The following SNAP25 variants were observed in gnomAD, a reference collection of about 807,000 sequenced individuals.
The protein encoded by SNAP25 is synaptosome associated protein 25.
In SNAP25, 3 loss-of-function variants were observed where a neutral mutation model predicts 28.7. That is an observed-to-expected ratio of 0.10 (90% CI 0.05 to 0.27). The LOEUF (loss-of-function observed/expected upper bound fraction) is 0.27, where lower values mean the gene tolerates loss of function less well. SNAP25 is among the 10% of genes least tolerant of loss of function. The pLI is 1.00. For synonymous variants in SNAP25, 61 were observed against 88.1 expected (o/e 0.69, Z 1.72); for missense variants, 117 against 278.7 (o/e 0.42, Z 4.13).
At chr20:10,227,992 G>A (rs2122643027) in intron 1 of SNAP25, among the ~76,000 whole-genome samples, 1 of 152,048 alleles carries the variant, frequency 6.6e-6, no homozygotes, top group East Asian at 1.9e-4. Flanking sequence ...CCAGTCTCTG[G>A]GCTTTTCCTC....
At chr20:10,232,512 C>T (rs2062845492) in intron 1 of SNAP25, among the ~76,000 whole-genome samples, 1 of 152,194 alleles carries the variant, frequency 6.6e-6, no homozygotes, top group Non-Finnish European at 1.5e-5. Flanking sequence ...CCTCTGAGAA[C>T]ATTAAGGAGA....
intron 1 of SNAP25, among the ~76,000 whole-genome samples, chr20:10,258,877 C>T (rs1383859600): frequency 6.6e-6 from 1 of 152,034 alleles, no homozygotes; most frequent in African/African-American, 2.4e-5. Context: ...TTTTTGTTAC[C>T]CCTCTCTGTG....
At chr20:10,262,889 C>T (rs1293813045) in intron 1 of SNAP25, among the ~76,000 whole-genome samples, 1 of 151,904 alleles carries the variant, frequency 6.6e-6, no homozygotes, top group African/African-American at 2.4e-5. Flanking sequence ...ACTCCTCTGC[C>T]AGTCAGTTGT....
intron 1 of SNAP25, among the ~76,000 whole-genome samples, chr20:10,247,158 C>T (rs2063143814): frequency 6.6e-6 from 1 of 152,166 alleles, no homozygotes; most frequent in South Asian, 2.1e-4. Flanking sequence ...CAAATGCAAA[C>T]ATCTTTTTTA....
At chr20:10,262,454 G>T (rs2063430219) in intron 1 of SNAP25, among the ~76,000 whole-genome samples, 1 of 152,120 alleles carries the variant, frequency 6.6e-6, no homozygotes, top group Admixed American at 6.5e-5. Context: ...TTCTGAATGT[G>T]GAGTCTTCAA....
intron 1 of SNAP25, among the ~76,000 whole-genome samples, chr20:10,236,955 A>AATAC (rs1170387329): frequency 2.7e-4 from 28 of 104,324 alleles, no homozygotes; most frequent in South Asian, 1.8e-3. Context: ...TCCAAAGGAA[A>AATAC]ATACATAAAT....
At chr20:10,261,607 TTAATG>T (rs1220747924) in intron 1 of SNAP25, among the ~76,000 whole-genome samples, 2 of 152,218 alleles carry the variant, frequency 1.3e-5, no homozygotes, top group African/African-American at 4.8e-5. Context: ...TGTATCTACT[TTAATG>T]TATATTAAAC....
chr20:10,238,313 G>A (rs1470747566), intron 1 of SNAP25, among the ~76,000 whole-genome samples: 5 of 152,172 alleles, frequency 3.3e-5, no homozygotes, highest in Non-Finnish European at 5.9e-5. Flanking sequence ...TGAACTGCTT[G>A]ATTTGTACAT....
intron 1 of SNAP25, among the ~76,000 whole-genome samples, chr20:10,261,783 C>CAG (rs1325790169): frequency 6.6e-6 from 1 of 152,070 alleles, no homozygotes; most frequent in East Asian, 1.9e-4. Flanking sequence ...ATAAGAGGCC[C>CAG]AGGGTTTTGG....
intron 1 of SNAP25, among the ~76,000 whole-genome samples, chr20:10,223,842 G>A (rs966288177): frequency 6.6e-6 from 1 of 152,064 alleles, no homozygotes; most frequent in Admixed American, 6.5e-5. Context: ...AAAGTCCAAG[G>A]AATTTCTGAT....
At chr20:10,275,324 C>G in intron 1 of SNAP25, 105 bp from the exon 2 acceptor site, 1 of 420,852 alleles carries the variant, frequency 2.4e-6, no homozygotes, top group African/African-American at 2.0e-5. Context: ...GATCAGAAAA[C>G]TGAGTCATGT....
At chr20:10,239,520 C>A (rs550781139) in intron 1 of SNAP25, among the ~76,000 whole-genome samples, 1 of 152,322 alleles carries the variant, frequency 6.6e-6, no homozygotes, top group Non-Finnish European at 1.5e-5. Flanking sequence ...TGGCTGCAGG[C>A]AGGTGTACAA....
At position 10,274,477 on chromosome 20, in the gene SNAP25, C is replaced by T. The variant is rs772800329; in HGVS notation, c.-63-952C>T. Reference sequence around the variant, plus strand: ...ATTATGCTAAGTGAAAGAAGGCAGACAAAAAGTAGTACACACTATGTGATT... The same window carrying T: ...ATTATGCTAAGTGAAAGAAGGCAGATAAAAAGTAGTACACACTATGTGATT... On this transcript the variant is annotated intron_variant, in intron 1 of 7. Coordinates refer to ENST00000254976, the MANE Select transcript of SNAP25 (RefSeq NM_130811.4). Among the ~76,000 whole-genome samples, 142 of 152,236 alleles carry T rather than the reference C, an allele frequency of 9.3e-4. 5 individuals carry two copies. The Middle Eastern group carries it at 0.014, about 15-fold the overall frequency.
At chr20:10,257,860 G>A (rs2063347204) in intron 1 of SNAP25, among the ~76,000 whole-genome samples, 1 of 145,232 alleles carries the variant, frequency 6.9e-6, no homozygotes, top group Non-Finnish European at 1.5e-5. Flanking sequence ...TCCAACCTGG[G>A]CAACAGAGTG....
rs2064127379 is a variant in SNAP25, at chr20:10,297,013, C to T, written c.370C>T (p.Arg124Trp). The T allele has an allele frequency of 6.2e-7, 1 of 1,610,516 alleles. No individual in the cohort carries two copies. Among genetic ancestry groups the T allele is most frequent in the Admixed American group, 1.7e-5 (1 of 59,522 alleles). The change falls in exon 6 of 8, where the codon CGG (arginine) becomes TGG (tryptophan). Residue 124 changes from arginine (R) to tryptophan (W), a missense_variant. This residue lies in a region of SNAP25 where 88 missense variants were observed against 206.9 expected (regional missense o/e 0.43). Transcript: ENST00000254976. ...ASQPARVVDE[R>W]EQMAISGGFI... ...CCAGCCTGCTCGTGTAGTGGACGAA[C>T]GGGAGCAGATGGCCATCAGTGGCGG...
intron 1 of SNAP25, among the ~76,000 whole-genome samples, chr20:10,246,426 T>C (rs2063129462): frequency 6.6e-6 from 1 of 152,188 alleles, no homozygotes; most frequent in Admixed American, 6.5e-5. Flanking sequence ...GACAGAATGA[T>C]TGGCCGAGCC....
chr20:10,287,233 G>A (rs1408377979), intron 4 of SNAP25, among the ~76,000 whole-genome samples: 2 of 151,868 alleles, frequency 1.3e-5, no homozygotes, highest in Non-Finnish European at 2.9e-5. Context: ...CCTACAAAAT[G>A]GGAGAAAATT....
intron 7 of SNAP25, among the ~76,000 whole-genome samples, chr20:10,305,067 T>C (rs547245774): frequency 6.6e-6 from 1 of 152,326 alleles, no homozygotes; most frequent in South Asian, 2.1e-4. Context: ...CTTTTCATAG[T>C]AGATTTATAT....
At chr20:10,240,236 C>G (rs1384076423) in intron 1 of SNAP25, among the ~76,000 whole-genome samples, 2 of 152,156 alleles carry the variant, frequency 1.3e-5, no homozygotes, top group Non-Finnish European at 2.9e-5. Flanking sequence ...GGGCAACTCA[C>G]AACATGACAG....
Sources: gnomAD v4.1 joint callset for allele counts (sites outside exome capture counted in the v4.1 genomes callset) on GRCh38, gnomAD v4.1.1 for gene constraint, gnomAD v4.1.1 regional missense constraint, MANE v1.5 for transcripts, NCBI Gene and HGNC (gene_info 2026-07-23, HGNC 2026-07-21) for gene names.